Variants in FAM53B observed in about 807,000 individuals in gnomAD.
FAM53B encodes the protein family with sequence similarity 53 member B, also known as protein FAM53B.
In FAM53B, 12 loss-of-function variants were observed where a neutral mutation model predicts 32.7. That is an observed-to-expected ratio of 0.37 (90% CI 0.24 to 0.59). The LOEUF (loss-of-function observed/expected upper bound fraction) is 0.59. Among genes scored for constraint, FAM53B ranks in the 20% least tolerant of loss-of-function variants. The pLI, the probability that FAM53B is intolerant of heterozygous loss-of-function variation, is 0.72. For synonymous variants in FAM53B, 234 were observed against 228.7 expected (o/e 1.02, Z -0.21); for missense variants, 477 against 577.7 (o/e 0.83, Z 1.79).
At chr10:124,725,840 T>C (rs908152100) in intron 1 of FAM53B, among the ~76,000 whole-genome samples, 22 of 152,098 alleles carry the variant, frequency 1.4e-4, no homozygotes, top group Non-Finnish European at 3.1e-4. Flanking sequence ...TAGTCTCAAG[T>C]TTCCCAGAAA....
intron 1 of FAM53B, among the ~76,000 whole-genome samples, chr10:124,720,974 C>T (rs1027743298): frequency 6.6e-6 from 1 of 152,140 alleles, no homozygotes; most frequent in Non-Finnish European, 1.5e-5. Context: ...CCAAGACGGG[C>T]GGATGGCTTG....
chr10:124,719,936 G>A (rs1370577919), intron 1 of FAM53B, among the ~76,000 whole-genome samples: 1 of 152,302 alleles, frequency 6.6e-6, no homozygotes, highest in East Asian at 1.9e-4. Flanking sequence ...GCCAAGGCAG[G>A]CAGATCACCT....
intron 4 of FAM53B, among the ~76,000 whole-genome samples, chr10:124,660,308 G>A (rs1335312592): frequency 1.3e-5 from 2 of 152,144 alleles, no homozygotes; most frequent in East Asian, 1.9e-4. Flanking sequence ...CAAGCATGAG[G>A]GCAACACAAG....
At chr10:124,692,961 T>C (rs1949844227) in intron 3 of FAM53B, among the ~76,000 whole-genome samples, 1 of 152,018 alleles carries the variant, frequency 6.6e-6, no homozygotes, top group African/African-American at 2.4e-5. Context: ...GAGGAAAAAA[T>C]CCTGAGTCAC....
Position 124,660,425 on chromosome 10 carries a change from GTGCACTGAGATCCGT to G in FAM53B, c.906+21167_906+21181del, listed in dbSNP as rs1402102602. ...TTTTCATTGTAAAAATTACACTTTTGTGCACTGAGATCCGTTGAATACAACTCACCCTGATACCAA... is the reference window on the plus strand; with the variant it reads ...TTTTCATTGTAAAAATTACACTTTTGTGAATACAACTCACCCTGATACCAA... On this transcript the variant is annotated intron_variant, in intron 4 of 4. Transcript: ENST00000337318. 5.9e-5 allele frequency among the ~76,000 whole-genome samples: 9 copies of G among 152,304 alleles called. No homozygotes were observed. In the South Asian group the frequency reaches 1.9e-3, roughly 32 times the overall value.
chr10:124,643,186 G>A (rs1480858912), intron 4 of FAM53B, among the ~76,000 whole-genome samples: 1 of 152,234 alleles, frequency 6.6e-6, no homozygotes, highest in African/African-American at 2.4e-5. Flanking sequence ...GGAACGCTCA[G>A]GTTAAGGGAG....
At chr10:124,655,552 T>A (rs926466926) in intron 4 of FAM53B, among the ~76,000 whole-genome samples, 1 of 152,114 alleles carries the variant, frequency 6.6e-6, no homozygotes, top group African/African-American at 2.4e-5. Flanking sequence ...AGCCTCTCCT[T>A]GGGGTGAGCG....
chr10:124,695,631 T>C (rs1949863532), intron 3 of FAM53B, among the ~76,000 whole-genome samples: 1 of 152,162 alleles, frequency 6.6e-6, no homozygotes, highest in Admixed American at 6.5e-5. Flanking sequence ...CTAAAGACAT[T>C]CTGATACATT....
At chr10:124,646,799 G>A (rs893327196) in intron 4 of FAM53B, among the ~76,000 whole-genome samples, 1 of 152,260 alleles carries the variant, frequency 6.6e-6, no homozygotes, top group Non-Finnish European at 1.5e-5. Flanking sequence ...AAGCAGCCAT[G>A]ATGGATGCCA....
At chr10:124,685,376 A>G (rs1949796149) in intron 3 of FAM53B, among the ~76,000 whole-genome samples, 1 of 152,224 alleles carries the variant, frequency 6.6e-6, no homozygotes, top group African/African-American at 2.4e-5. Flanking sequence ...CCAGGGTCGG[A>G]GCGGGGGCCC....
chr10:124,739,527 G>A (rs1344270764), intron 1 of FAM53B, among the ~76,000 whole-genome samples: 1 of 152,242 alleles, frequency 6.6e-6, no homozygotes, highest in Non-Finnish European at 1.5e-5. Context: ...GAGTGGAGAA[G>A]TCAGGAGTTA....
chr10:124,652,245 A>G (rs768469992), intron 4 of FAM53B, among the ~76,000 whole-genome samples: 8 of 152,226 alleles, frequency 5.3e-5, no homozygotes, highest in East Asian at 1.9e-4. Flanking sequence ...GGTGTCAACC[A>G]TAATACCAGG....
intron 4 of FAM53B, among the ~76,000 whole-genome samples, chr10:124,628,377 T>C (rs761267568): frequency 5.3e-5 from 8 of 152,106 alleles, no homozygotes; most frequent in Non-Finnish European, 8.8e-5. Flanking sequence ...CCCGGTTGCC[T>C]CCTCCGAAGG....
intron 3 of FAM53B, among the ~76,000 whole-genome samples, chr10:124,692,850 G>A (rs1188405097): frequency 6.6e-6 from 1 of 151,996 alleles, no homozygotes; most frequent in African/African-American, 2.4e-5. Context: ...CCAGGGTGCT[G>A]TGCTCCTTGC....
intron 4 of FAM53B, among the ~76,000 whole-genome samples, chr10:124,673,032 T>TAA: frequency 6.6e-6 from 1 of 152,320 alleles, no homozygotes; most frequent in East Asian, 1.9e-4. Context: ...ATTAGGATAA[T>TAA]TGATTCTCTG....
At chr10:124,689,297 C>CT (rs1949819974) in intron 3 of FAM53B, among the ~76,000 whole-genome samples, 3 of 152,184 alleles carry the variant, frequency 2.0e-5, no homozygotes, top group African/African-American at 7.2e-5. Context: ...AGGGCAATGA[C>CT]ATGAGCTCCC....
At chr10:124,713,464 G>A (rs886545367) in intron 1 of FAM53B, 3 of 152,182 alleles carry the variant, frequency 2.0e-5, no homozygotes, top group Non-Finnish European at 2.9e-5. Context: ...GTTTGCAACC[G>A]CTGAACACAG....
At chr10:124,705,236 G>A (rs1257286117) in intron 2 of FAM53B, among the ~76,000 whole-genome samples, 1 of 152,214 alleles carries the variant, frequency 6.6e-6, no homozygotes, top group Non-Finnish European at 1.5e-5. Flanking sequence ...ACCAAGACTG[G>A]CGTCCAGACA....
intron 4 of FAM53B, among the ~76,000 whole-genome samples, chr10:124,662,450 ACACC>A (rs1333369349): frequency 5.1e-5 from 5 of 98,558 alleles, no homozygotes; most frequent in African/African-American, 1.2e-4. Flanking sequence ...ACCCACCCAC[ACACC>A]CACCCACCCA....
Sources: gnomAD v4.1 joint callset for allele counts (sites outside exome capture counted in the v4.1 genomes callset) on GRCh38, gnomAD v4.1.1 for gene constraint, MANE v1.5 for transcripts, NCBI Gene and HGNC (gene_info 2026-07-23, HGNC 2026-07-21) for gene names.